HERC4: variants seen among roughly 807,000 people sequenced by gnomAD.
HERC4 encodes HECT and RLD domain containing E3 ubiquitin protein ligase 4, also known as probable E3 ubiquitin-protein ligase HERC4.
In HERC4, 28 loss-of-function variants were observed where a neutral mutation model predicts 124.3. The observed-to-expected ratio is 0.23, with a 90% CI of 0.17 to 0.31. HERC4 has a LOEUF of 0.31. Ranked by LOEUF, HERC4 falls within the 10% of genes least tolerant of loss-of-function variation. HERC4 has a pLI of 1.00. For missense variants in HERC4, 713 were observed against 1,229.3 expected (o/e 0.58, Z 6.28); for synonymous variants, 407 against 421.5 (o/e 0.97, Z 0.42).
intron 19 of HERC4, among the ~76,000 whole-genome samples, chr10:67,944,384 T>G (rs1333849371): frequency 6.6e-6 from 1 of 152,252 alleles, no homozygotes; most frequent in African/African-American, 2.4e-5. Context: ...GATATTGGGC[T>G]TGGGGTGCCC....
chr10:68,058,944 T>C (rs1014579435), intron 3 of HERC4, among the ~76,000 whole-genome samples: 1 of 152,088 alleles, frequency 6.6e-6, no homozygotes, highest in African/African-American at 2.4e-5. Flanking sequence ...TCACCACTTC[T>C]TTTCCCACCT....
At chr10:68,009,770 C>T (rs1235779058) in intron 9 of HERC4, among the ~76,000 whole-genome samples, 1 of 152,158 alleles carries the variant, frequency 6.6e-6, no homozygotes, top group African/African-American at 2.4e-5. Flanking sequence ...AGAGTCAAGC[C>T]TCTTAACCCC....
At chr10:68,031,904 G>T (rs1048886897) in intron 7 of HERC4, among the ~76,000 whole-genome samples, 8 of 151,862 alleles carry the variant, frequency 5.3e-5, no homozygotes, top group Admixed American at 1.3e-4. Context: ...GGTGCCTGCC[G>T]CCATGCCCAG....
intron 3 of HERC4, among the ~76,000 whole-genome samples, chr10:68,049,316 A>G (rs78271535): frequency 0.019 from 2,908 of 152,252 alleles, 89 homozygotes; most frequent in African/African-American, 0.066. Flanking sequence ...TTTGTGTAAG[A>G]GGAAGAAGAA....
intron 15 of HERC4, 152 bp downstream of exon 15, chr10:67,988,511 T>C (rs2036383351): frequency 2.0e-6 from 1 of 506,138 alleles, no homozygotes; most frequent in South Asian, 3.6e-5. Flanking sequence ...TATTACTTCT[T>C]TTAAGAGAAA....
intron 3 of HERC4, among the ~76,000 whole-genome samples, chr10:68,062,117 TA>T (rs1373020180): frequency 2.6e-5 from 4 of 151,938 alleles, no homozygotes; most frequent in Non-Finnish European, 4.4e-5. Context: ...GAACTGAAAA[TA>T]AAACAAAATC....
chr10:68,028,566 A>C (rs2039024094), intron 7 of HERC4, among the ~76,000 whole-genome samples: 1 of 152,158 alleles, frequency 6.6e-6, no homozygotes, highest in Non-Finnish European at 1.5e-5. Flanking sequence ...TTTAGTGGAG[A>C]ATCTACAACA....
At chr10:68,010,082 G>A (rs2037849169) in intron 9 of HERC4, 4 of 637,042 alleles carry the variant, frequency 6.3e-6, no homozygotes, top group South Asian at 3.3e-5. Context: ...CACCCTTTGT[G>A]TTCCCAATTC....
chr10:68,008,377 T>A lies in HERC4; in HGVS notation c.1069+5649A>T, dbSNP rs143814018. Among the ~76,000 whole-genome samples the A allele has an allele frequency of 5.3e-5, 8 of 152,330 alleles. No homozygotes were observed. The East Asian group carries it at 1.5e-3, about 29-fold the overall frequency. On this transcript the variant is annotated intron_variant, in intron 9 of 24. Transcript: ENST00000373700. ...ATCCTGTCAGGCCTGGGGTCTTTTA[T>A]CTTCAGGGCAGCAGCTTCCCTTCTA...
intron 3 of HERC4, among the ~76,000 whole-genome samples, chr10:68,058,574 C>G (rs2040671867): frequency 6.6e-6 from 1 of 152,080 alleles, no homozygotes. Context: ...AGGCATTGTT[C>G]TTTGCACTGT....
chr10:68,010,020 A>G (rs2037843654), intron 9 of HERC4, among the ~76,000 whole-genome samples: 1 of 152,146 alleles, frequency 6.6e-6, no homozygotes, highest in African/African-American at 2.4e-5. Context: ...AATCAAGAGC[A>G]TCACCGAACT....
intron 9 of HERC4, among the ~76,000 whole-genome samples, chr10:68,004,544 T>C (rs1021019629): frequency 6.6e-6 from 1 of 152,178 alleles, no homozygotes; most frequent in Non-Finnish European, 1.5e-5. Flanking sequence ...TTTTATTCCA[T>C]TTGTACATGC....
At chr10:68,046,620 C>T (rs987642166) in intron 3 of HERC4, among the ~76,000 whole-genome samples, 4 of 152,078 alleles carry the variant, frequency 2.6e-5, no homozygotes, top group Non-Finnish European at 4.4e-5. Context: ...TGACTAAATG[C>T]TAAGATAAAC....
intron 8 of HERC4, among the ~76,000 whole-genome samples, chr10:68,021,395 T>C (rs1044102683): frequency 2.6e-5 from 4 of 152,204 alleles, no homozygotes; most frequent in Middle Eastern, 6.3e-3. Context: ...CACACAATCA[T>C]CTGAATTGAT....
intron 1 of HERC4, chr10:68,073,960 AC>A (rs1289667311): frequency 5.3e-5 from 8 of 152,226 alleles, no homozygotes; most frequent in Non-Finnish European, 1.0e-4. Context: ...CTCTTTTATT[AC>A]AAGTGGTAAC....
Position 67,932,770 on chromosome 10 carries a change from C to T in HERC4, c.2665G>A (p.Val889Ile). ...AATATGTAATCCACATAAGCATCGA[C>T]AAACTCTTGCCTAGAAATGAAAAAG... The part of the protein sequence containing the change: ...AVNKQNRQEF[V>I]DAYVDYIFNK... Residue 889 changes from valine (V) to isoleucine (I), a missense_variant, in exon 23 of 25, where the codon GTC becomes ATC. Val to Ile is a conservative substitution (Grantham distance 29, BLOSUM62 3). Coordinates refer to ENST00000373700, the MANE Select transcript of HERC4 (RefSeq NM_015601.4). 1 of 1,592,290 alleles carries T rather than the reference C, an allele frequency of 6.3e-7. No individual in the cohort carries two copies. Among genetic ancestry groups the T allele is most frequent in the African/African-American group, 1.4e-5 (1 of 73,234 alleles).
chr10:67,958,369 A>C (rs996409728), intron 16 of HERC4, among the ~76,000 whole-genome samples: 42 of 150,284 alleles, frequency 2.8e-4, no homozygotes, highest in Non-Finnish European at 3.1e-4. Context: ...TCTCCAAAGC[A>C]CCCTTTGGCT....
rs373401588 is a variant in HERC4, at chr10:67,927,430, ATT to A, written c.2839-2245_2839-2244del. ...TATATATATATATATATATATATAT[ATT>A]TTTTTTTTTTTTTAGATAGAGTCTT... On this transcript the variant is annotated intron_variant, in intron 23 of 24. Coordinates refer to ENST00000373700, the MANE Select transcript of HERC4 (RefSeq NM_015601.4). Among the ~76,000 whole-genome samples, 275 of 37,784 alleles carry A rather than the reference ATT, an allele frequency of 7.3e-3. 3 individuals are homozygous for A. Among genetic ancestry groups the A allele is most frequent in the Non-Finnish European group, 0.011 (138 of 13,090 alleles). The allele number at this position is 37,784 out of a possible 152,430, so 24.8% of individuals were successfully genotyped here.
chr10:67,959,042 G>T, intron 16 of HERC4: 2 of 1,281,514 alleles, frequency 1.6e-6, no homozygotes, highest in South Asian at 1.5e-5. Flanking sequence ...CGAATCTTTG[G>T]CTCTTCTATT....
Sources: gnomAD v4.1 joint callset for allele counts (sites outside exome capture counted in the v4.1 genomes callset) on GRCh38, gnomAD v4.1.1 for gene constraint, MANE v1.5 for transcripts, NCBI Gene and HGNC (gene_info 2026-07-23, HGNC 2026-07-21) for gene names.